Variants in GPR149 observed in about 807,000 individuals in gnomAD.
GPR149 encodes probable G protein-coupled receptor 149.
In GPR149, 50 loss-of-function variants were observed where a neutral mutation model predicts 50.2. The ratio of observed to expected loss-of-function variants is 1.00; its 90% confidence interval spans 0.79 to 1.26. GPR149 has a LOEUF of 1.26. Among genes scored for constraint, GPR149 ranks in the 50% most tolerant of loss-of-function variants. The pLI, the probability that GPR149 is intolerant of heterozygous loss-of-function variation, is 0.00. For missense variants in GPR149, 983 were observed against 895.4 expected (o/e 1.10, Z -1.25); for synonymous variants, 405 against 358.2 (o/e 1.13, Z -1.48).
intron 3 of GPR149, among the ~76,000 whole-genome samples, chr3:154,405,891 T>G (rs998171041): frequency 2.6e-5 from 4 of 151,808 alleles, no homozygotes; most frequent in Non-Finnish European, 5.9e-5. Context: ...TTAAAAAAAT[T>G]CAAATGCAAT....
chr3:154,401,681 A>G (rs951320032), intron 3 of GPR149, among the ~76,000 whole-genome samples: 3 of 152,186 alleles, frequency 2.0e-5, no homozygotes, highest in Admixed American at 6.5e-5. Flanking sequence ...AAAAACCTAC[A>G]TGTGAGTGTC....
chr3:154,419,279 A>G (rs555691823), intron 3 of GPR149, among the ~76,000 whole-genome samples: 2 of 152,186 alleles, frequency 1.3e-5, no homozygotes, highest in Admixed American at 6.6e-5. Context: ...GTTGTTCTTC[A>G]TCATTCTCCC....
intron 3 of GPR149, among the ~76,000 whole-genome samples, chr3:154,381,300 A>T (rs1300543526): frequency 6.6e-6 from 1 of 152,194 alleles, no homozygotes; most frequent in Non-Finnish European, 1.5e-5. Context: ...CGTTCCATTC[A>T]CATTGTCACA....
chr3:154,340,944 A>C (rs1576895950), intron 3 of GPR149, among the ~76,000 whole-genome samples: 2 of 151,816 alleles, frequency 1.3e-5, no homozygotes, highest in Middle Eastern at 3.4e-3. Context: ...CTGGTCTCGA[A>C]CTCCTGACCT....
intron 3 of GPR149, among the ~76,000 whole-genome samples, chr3:154,391,869 T>C (rs1489623547): frequency 6.6e-6 from 1 of 151,686 alleles, no homozygotes; most frequent in Non-Finnish European, 1.5e-5. Flanking sequence ...AGACTGGCTA[T>C]ACTTATATTG....
At chr3:154,424,994 A>G (rs1296135002) in intron 2 of GPR149, among the ~76,000 whole-genome samples, 1 of 151,966 alleles carries the variant, frequency 6.6e-6, no homozygotes, top group African/African-American at 2.4e-5. Flanking sequence ...AGCCATATCC[A>G]AACAGTGTGT....
chr3:154,416,401 C>T (rs1426785195), intron 3 of GPR149, among the ~76,000 whole-genome samples: 1 of 151,724 alleles, frequency 6.6e-6, no homozygotes, highest in Admixed American at 6.6e-5. Context: ...TGGATCCCAT[C>T]TCATACCTAA....
intron 3 of GPR149, among the ~76,000 whole-genome samples, chr3:154,379,556 A>G (rs565715777): frequency 6.6e-6 from 1 of 152,024 alleles, no homozygotes; most frequent in Middle Eastern, 3.2e-3. Context: ...ATTTTCTTCT[A>G]TAAGTTTTGT....
chr3:154,350,270 G>A (rs1275430138), intron 3 of GPR149, among the ~76,000 whole-genome samples: 1 of 152,140 alleles, frequency 6.6e-6, no homozygotes, highest in Admixed American at 6.6e-5. Context: ...TTTGCAACTT[G>A]CAGATGACAT....
At chr3:154,392,213 C>G (rs533617188) in intron 3 of GPR149, among the ~76,000 whole-genome samples, 1 of 151,800 alleles carries the variant, frequency 6.6e-6, no homozygotes, top group Non-Finnish European at 1.5e-5. Flanking sequence ...ACCTTCTCCT[C>G]TTTTCCAATC....
intron 3 of GPR149, among the ~76,000 whole-genome samples, chr3:154,357,934 T>C (rs1464962901): frequency 6.6e-6 from 1 of 152,146 alleles, no homozygotes; most frequent in African/African-American, 2.4e-5. Context: ...ATGTGGCACA[T>C]ATACACCATG....
At chr3:154,376,117 T>C (rs1714787385) in intron 3 of GPR149, among the ~76,000 whole-genome samples, 1 of 152,248 alleles carries the variant, frequency 6.6e-6, no homozygotes, top group African/African-American at 2.4e-5. Context: ...AATCTATTAC[T>C]CAGTCTATCT....
At chr3:154,416,630 A>G (rs572745352) in intron 3 of GPR149, among the ~76,000 whole-genome samples, 13 of 151,988 alleles carry the variant, frequency 8.6e-5, no homozygotes, top group Non-Finnish European at 1.8e-4. Flanking sequence ...ATAACTTTAG[A>G]AAACTCTTTT....
intron 3 of GPR149, chr3:154,353,834 G>T: frequency 3.1e-6 from 2 of 641,056 alleles, no homozygotes; most frequent in Non-Finnish European, 5.7e-6. Context: ...ACAGGACAAG[G>T]TCCTAACTTG....
chr3:154,382,816 CAAAAT>C (rs779552782), intron 3 of GPR149, among the ~76,000 whole-genome samples: 3 of 152,096 alleles, frequency 2.0e-5, no homozygotes, highest in Admixed American at 6.6e-5. Flanking sequence ...TTAATATACT[CAAAAT>C]AAATGTTTCA....
At chr3:154,368,618 TG>T (rs1339391636) in intron 3 of GPR149, among the ~76,000 whole-genome samples, 2 of 152,160 alleles carry the variant, frequency 1.3e-5, no homozygotes, top group Non-Finnish European at 2.9e-5. Context: ...ATTCAATAGT[TG>T]GTATTGGAAG....
intron 3 of GPR149, among the ~76,000 whole-genome samples, chr3:154,373,728 A>T (rs1425503836): frequency 6.6e-6 from 1 of 152,134 alleles, no homozygotes; most frequent in Admixed American, 6.5e-5. Context: ...TTGCATCTAG[A>T]ATTCTCTGTC....
chr3:154,354,706 A>C, intron 3 of GPR149: 1 of 543,204 alleles, frequency 1.8e-6, no homozygotes, highest in Non-Finnish European at 2.9e-6. Flanking sequence ...ATTAGGTTCA[A>C]TAAATACCTT....
At position 154,351,325 on chromosome 3, in the gene GPR149, A is replaced by G. The variant is rs1350808582; in HGVS notation, c.1624-13054T>C. ...AGACATCCACATACAAAAAAAAAAA[A>G]AAAAAAAAAAAAAAAAAAAATAACC... On this transcript the variant is annotated intron_variant, in intron 3 of 3. Coordinates refer to ENST00000389740, the MANE Select transcript of GPR149 (RefSeq NM_001038705.3). Among the ~76,000 whole-genome samples the G allele has an allele frequency of 3.6e-5, 5 of 139,106 alleles. No homozygotes were observed. The South Asian group carries it at 1.1e-3, about 29-fold the overall frequency. 91.3% of individuals were successfully genotyped at this position (139,106 alleles called of 152,430 possible).
Sources: gnomAD v4.1 joint callset for allele counts (sites outside exome capture counted in the v4.1 genomes callset) on GRCh38, gnomAD v4.1.1 for gene constraint, MANE v1.5 for transcripts, NCBI Gene and HGNC (gene_info 2026-07-23, HGNC 2026-07-21) for gene names.